The following FYN variants were observed in gnomAD, a reference collection of about 807,000 sequenced individuals.
FYN encodes tyrosine-protein kinase Fyn.
Under a neutral mutation model 70.2 loss-of-function variants are expected in FYN, and 10 were observed. That is an observed-to-expected ratio of 0.14 (90% CI 0.09 to 0.24). FYN has a LOEUF of 0.24. Among genes scored for constraint, FYN ranks in the 10% least tolerant of loss-of-function variants. FYN has a pLI of 1.00. For synonymous variants in FYN, 236 were observed against 248.6 expected (o/e 0.95, Z 0.48); for missense variants, 319 against 673.1 (o/e 0.47, Z 5.82).
intron 3 of FYN, among the ~76,000 whole-genome samples, chr6:111,763,789 T>C (rs1359847073): frequency 2.6e-5 from 4 of 152,220 alleles, no homozygotes; most frequent in South Asian, 4.1e-4. Context: ...TGAGTGTGAA[T>C]GCTTGCTTGA....
intron 5 of FYN, chr6:111,708,288 GT>G: frequency 2.7e-6 from 1 of 377,222 alleles, no homozygotes; most frequent in Non-Finnish European, 5.0e-6. Flanking sequence ...GTCTCTCTTG[GT>G]AGGGGGCATT....
chr6:111,818,011 G>A (rs1448442012), intron 2 of FYN, among the ~76,000 whole-genome samples: 3 of 152,194 alleles, frequency 2.0e-5, no homozygotes, highest in African/African-American at 7.2e-5. Flanking sequence ...AGCCAACTGT[G>A]AGAATGGCAA....
intron 3 of FYN, among the ~76,000 whole-genome samples, chr6:111,752,867 G>T (rs72942130): frequency 0.023 from 3,471 of 152,208 alleles, 74 homozygotes; most frequent in African/African-American, 0.05. Flanking sequence ...GAGGGTGGTG[G>T]TGAGGGTGGG....
At chr6:111,728,897 T>A (rs1801316473) in intron 3 of FYN, among the ~76,000 whole-genome samples, 1 of 152,128 alleles carries the variant, frequency 6.6e-6, no homozygotes, top group South Asian at 2.1e-4. Flanking sequence ...AGAGAAACTC[T>A]AAGTTTAGGA....
At chr6:111,763,471 A>C (rs1803088651) in intron 3 of FYN, among the ~76,000 whole-genome samples, 1 of 152,216 alleles carries the variant, frequency 6.6e-6, no homozygotes, top group South Asian at 2.1e-4. Context: ...TTTGGAGCGG[A>C]TATCAACAGG....
At chr6:111,678,041 A>G (rs1006308660) in intron 12 of FYN, among the ~76,000 whole-genome samples, 2 of 150,756 alleles carry the variant, frequency 1.3e-5, no homozygotes, top group Non-Finnish European at 2.9e-5. Flanking sequence ...CCACTCTGTC[A>G]TTTCTTACTG....
intron 3 of FYN, among the ~76,000 whole-genome samples, chr6:111,752,610 A>G (rs1260177027): frequency 1.3e-5 from 2 of 152,168 alleles, no homozygotes; most frequent in East Asian, 3.9e-4. Flanking sequence ...ACATTTAGGG[A>G]AGAGTGACAA....
intron 3 of FYN, among the ~76,000 whole-genome samples, chr6:111,743,462 C>T (rs1381099576): frequency 6.6e-6 from 1 of 152,164 alleles, no homozygotes; most frequent in African/African-American, 2.4e-5. Flanking sequence ...GTAATTCTGG[C>T]GACCGCATCA....
chr6:111,836,391 A>C (rs1773186239), intron 2 of FYN, among the ~76,000 whole-genome samples: 1 of 152,256 alleles, frequency 6.6e-6, no homozygotes. Context: ...AATAGGCCTC[A>C]GATATTAACT....
At chr6:111,801,788 T>C (rs1173792036) in intron 2 of FYN, among the ~76,000 whole-genome samples, 13 of 152,200 alleles carry the variant, frequency 8.5e-5, no homozygotes, top group Non-Finnish European at 1.6e-4. Context: ...ATATGGGTGT[T>C]CTGTGGACAA....
rs915127419 is a variant in FYN, at chr6:111,849,032, T to C, written c.-122-2403A>G. On this transcript the variant is annotated intron_variant, in intron 1 of 13. Transcript: ENST00000354650. ...TGCATGTGCGTACAGATATATTATATTGATATGCATATGTAGTTACACAGA... is the reference window on the plus strand; with the variant it reads ...TGCATGTGCGTACAGATATATTATACTGATATGCATATGTAGTTACACAGA... Among the ~76,000 whole-genome samples the C allele has an allele frequency of 3.3e-5, 5 of 152,214 alleles. No homozygotes were observed. The South Asian group carries it at 8.3e-4, about 25-fold the overall frequency.
chr6:111,733,096 C>T (rs1267797253), intron 3 of FYN, among the ~76,000 whole-genome samples: 8 of 152,068 alleles, frequency 5.3e-5, no homozygotes, highest in African/African-American at 1.4e-4. Context: ...TCCCCACTCC[C>T]GAGAACCAAT....
At chr6:111,871,297 T>C (rs1583508869) in intron 1 of FYN, among the ~76,000 whole-genome samples, 1 of 152,208 alleles carries the variant, frequency 6.6e-6, no homozygotes, top group Admixed American at 6.5e-5. Context: ...AAGCCTCAGA[T>C]AGTTAAACCA....
At chr6:111,859,212 A>T (rs1236983602) in intron 1 of FYN, among the ~76,000 whole-genome samples, 2 of 152,180 alleles carry the variant, frequency 1.3e-5, no homozygotes, top group Non-Finnish European at 2.9e-5. Flanking sequence ...TACTAGTTTC[A>T]GCTGATTCAT....
intron 3 of FYN, among the ~76,000 whole-genome samples, chr6:111,762,181 G>A (rs1298099819): frequency 6.6e-6 from 1 of 152,218 alleles, no homozygotes; most frequent in Non-Finnish European, 1.5e-5. Flanking sequence ...ACGAGCAGCA[G>A]CGGTGAGGAA....
At chr6:111,841,860 C>A (rs1389758646) in intron 2 of FYN, among the ~76,000 whole-genome samples, 1 of 151,260 alleles carries the variant, frequency 6.6e-6, no homozygotes, top group Non-Finnish European at 1.5e-5. Flanking sequence ...GTTTTACAAT[C>A]CAGGGATTTA....
chr6:111,756,927 GT>G (rs1426655379), intron 3 of FYN, among the ~76,000 whole-genome samples: 1 of 152,152 alleles, frequency 6.6e-6, no homozygotes, highest in Non-Finnish European at 1.5e-5. Flanking sequence ...CTAAGGATCT[GT>G]GCTATCCCTA....
At chr6:111,788,893 G>T (rs1022704611) in intron 2 of FYN, among the ~76,000 whole-genome samples, 16 of 152,076 alleles carry the variant, frequency 1.1e-4, no homozygotes, top group African/African-American at 3.9e-4. Context: ...GGTGGGAGGG[G>T]TGCTCTGAGA....
intron 1 of FYN, among the ~76,000 whole-genome samples, chr6:111,863,445 G>C (rs1774020127): frequency 6.6e-6 from 1 of 152,158 alleles, no homozygotes; most frequent in South Asian, 2.1e-4. Context: ...TGAAGTTGTT[G>C]GTGTTTATTT....
Sources: gnomAD v4.1 joint callset for allele counts (sites outside exome capture counted in the v4.1 genomes callset) on GRCh38, gnomAD v4.1.1 for gene constraint, MANE v1.5 for transcripts, NCBI Gene and HGNC (gene_info 2026-07-23, HGNC 2026-07-21) for gene names.